The following CEP126 variants were observed in gnomAD, a reference collection of about 807,000 sequenced individuals.
The protein encoded by CEP126 is centrosomal protein of 126 kDa.
A neutral mutation model predicts 107.8 loss-of-function variants in CEP126; 74 were observed. That is an observed-to-expected ratio of 0.69 (90% CI 0.57 to 0.83). The LOEUF (loss-of-function observed/expected upper bound fraction) is 0.83, where lower values mean the gene tolerates loss of function less well. Among genes scored for constraint, CEP126 ranks in the 40% least tolerant of loss-of-function variants. The probability of loss-of-function intolerance (pLI) is 0.00; values close to 1 mark genes in which losing one functional copy is unlikely to be tolerated. For synonymous variants in CEP126, 449 were observed against 446.0 expected (o/e 1.01, Z -0.08); for missense variants, 1,237 against 1,281.9 (o/e 0.96, Z 0.53).
intron 10 of CEP126, among the ~76,000 whole-genome samples, chr11:101,996,317 T>C (rs1271391327): frequency 3.3e-5 from 5 of 152,196 alleles, no homozygotes; most frequent in Non-Finnish European, 7.3e-5. Context: ...AAGCTTCAAT[T>C]TGTTTACCCA....
At chr11:101,954,403 G>T (rs1313834910) in intron 4 of CEP126, among the ~76,000 whole-genome samples, 3 of 152,164 alleles carry the variant, frequency 2.0e-5, no homozygotes, top group African/African-American at 7.2e-5. Context: ...GTGTGCAGTT[G>T]CTTGAAGTCT....
rs766155639 is a variant in CEP126 at position 101,963,845 on chromosome 11, G to T, written c.2810G>T (p.Gly937Val). The T allele has an allele frequency of 1.2e-6, 2 of 1,610,298 alleles. No individual in the cohort carries two copies. The highest frequency in any genetic ancestry group is 1.1e-5 in the South Asian group (1 of 90,302). The change falls in exon 6 of 11, where the codon GGT becomes GTT. Residue 937 changes from glycine to valine, a missense_variant. By Grantham distance (109) the Gly-to-Val change is moderately radical (BLOSUM62 -3). This residue lies in a region of CEP126 where 1,134 missense variants were observed against 1,150.5 expected (regional missense o/e 0.99). Coordinates refer to ENST00000263468, the MANE Select transcript of CEP126 (RefSeq NM_020802.4). ...EEESVPLWKR[G>V]PNVLHQNKRA... ...GAATCAGTTCCCTTATGGAAAAGAG[G>T]TCCTAATGTCCTGCATCAAAATAAG...
chr11:101,981,333 AC>A (rs774969852), intron 7 of CEP126, among the ~76,000 whole-genome samples: 3 of 152,046 alleles, frequency 2.0e-5, no homozygotes, highest in Non-Finnish European at 4.4e-5. Context: ...TCGCTCTGTC[AC>A]CCAGGCTGGA....
At chr11:101,927,260 C>T (rs1940427010) in intron 2 of CEP126, among the ~76,000 whole-genome samples, 1 of 152,152 alleles carries the variant, frequency 6.6e-6, no homozygotes, top group Admixed American at 6.5e-5. Context: ...CGAGATCATG[C>T]CACAGCACTC....
intron 8 of CEP126, among the ~76,000 whole-genome samples, chr11:101,984,789 C>A (rs1941296931): frequency 1.3e-5 from 2 of 152,170 alleles, no homozygotes; most frequent in African/African-American, 4.8e-5. Context: ...TTCCTCATCC[C>A]TAGAGGACCC....
intron 9 of CEP126, among the ~76,000 whole-genome samples, chr11:101,988,938 G>C (rs1941344376): frequency 6.6e-6 from 1 of 152,006 alleles, no homozygotes; most frequent in Non-Finnish European, 1.5e-5. Context: ...ACCATTGTCA[G>C]TAATTGATAG....
Position 101,958,205 on chromosome 11 carries a change from AATG to A in CEP126, c.547_549del (p.Asp183del), listed in dbSNP as rs1314202100. ...TGCCTTGCCTTCCGCATTATCAAAA[AATG>A]ATCACAAGCATCAGAAACAACTCTT... On this transcript the variant is annotated inframe_deletion, in exon 5 of 11. Coordinates refer to ENST00000263468, the MANE Select transcript of CEP126 (RefSeq NM_020802.4). 1.2e-6 allele frequency: 2 copies of A among 1,613,986 alleles called. No individual in the cohort carries two copies. Among genetic ancestry groups the A allele is most frequent in the Admixed American group, 3.3e-5 (2 of 60,022 alleles).
intron 1 of CEP126, 46 bp downstream of exon 1, chr11:101,915,458 G>A (rs949156): frequency 3.2e-6 from 5 of 1,573,158 alleles, no homozygotes; most frequent in Non-Finnish European, 4.3e-6. Context: ...TGTTGAAAAC[G>A]GGGCCCATCT....
At chr11:101,924,429 G>T (rs976069579) in intron 2 of CEP126, among the ~76,000 whole-genome samples, 1 of 143,558 alleles carries the variant, frequency 7.0e-6, no homozygotes, top group Non-Finnish European at 1.5e-5. Flanking sequence ...TTTTGTTGTT[G>T]TTTTGGGGCT....
chr11:101,995,354 T>C (rs139461061), intron 10 of CEP126, among the ~76,000 whole-genome samples: 102 of 152,272 alleles, frequency 6.7e-4, no homozygotes, highest in Middle Eastern at 3.4e-3. Context: ...TAACTTCACA[T>C]AGAAACATGA....
At chr11:101,997,376 T>C (rs1232436812) in intron 10 of CEP126, among the ~76,000 whole-genome samples, 1 of 152,230 alleles carries the variant, frequency 6.6e-6, no homozygotes, top group Non-Finnish European at 1.5e-5. Context: ...ACTGCACATT[T>C]TCAAAGTGGG....
At chr11:101,955,519 C>G (rs1231486741) in intron 4 of CEP126, among the ~76,000 whole-genome samples, 5 of 152,058 alleles carry the variant, frequency 3.3e-5, no homozygotes, top group Non-Finnish European at 7.4e-5. Context: ...ATTGTCCAGC[C>G]CATATTCCTG....
chr11:101,981,606 G>A (rs186682477), intron 7 of CEP126, among the ~76,000 whole-genome samples: 3 of 152,036 alleles, frequency 2.0e-5, no homozygotes, highest in East Asian at 3.9e-4. Context: ...TAGCACTTTT[G>A]ATTACCATCC....
intron 2 of CEP126, among the ~76,000 whole-genome samples, chr11:101,928,572 G>T (rs114273601): frequency 6.6e-6 from 1 of 152,126 alleles, no homozygotes; most frequent in African/African-American, 2.4e-5. Context: ...AAGTTTGGAG[G>T]TTTTGTTTGA....
intron 6 of CEP126, among the ~76,000 whole-genome samples, chr11:101,970,718 G>T (rs1401433729): frequency 6.6e-6 from 1 of 152,078 alleles, no homozygotes; most frequent in Non-Finnish European, 1.5e-5. Context: ...TTTTATAAAT[G>T]AGGAAATATC....
At chr11:101,931,691 A>T (rs1427548040) in intron 2 of CEP126, among the ~76,000 whole-genome samples, 1 of 152,182 alleles carries the variant, frequency 6.6e-6, no homozygotes, top group Non-Finnish European at 1.5e-5. Context: ...CCTAGATCTG[A>T]AATGTCGTTC....
intron 10 of CEP126, 118 bp downstream of exon 10, chr11:101,992,960 A>C: frequency 9.6e-7 from 1 of 1,045,564 alleles, no homozygotes; most frequent in Non-Finnish European, 1.2e-6. Flanking sequence ...TGGTTTATAG[A>C]GGTTTTCTCC....
chr11:101,994,657 T>G (rs1247517388), intron 10 of CEP126, among the ~76,000 whole-genome samples: 1 of 152,212 alleles, frequency 6.6e-6, no homozygotes, highest in African/African-American at 2.4e-5. Context: ...TCTGTCAACC[T>G]TGTTGAAGAT....
At chr11:101,938,093 C>T (rs1940612405) in intron 2 of CEP126, among the ~76,000 whole-genome samples, 3 of 140,860 alleles carry the variant, frequency 2.1e-5, no homozygotes, top group African/African-American at 5.3e-5. Context: ...GCGGAGCTTG[C>T]AGTGAGCCGA....
Sources: gnomAD v4.1 joint callset for allele counts (sites outside exome capture counted in the v4.1 genomes callset) on GRCh38, gnomAD v4.1.1 for gene constraint, gnomAD v4.1.1 regional missense constraint, MANE v1.5 for transcripts, NCBI Gene and HGNC (gene_info 2026-07-23, HGNC 2026-07-21) for gene names.